The following STK3 variants were observed in gnomAD, a reference collection of about 807,000 sequenced individuals.
STK3 encodes serine/threonine kinase 3.
In STK3, 41 loss-of-function variants were observed where a neutral mutation model predicts 58.0. That is an observed-to-expected ratio of 0.71 (90% CI 0.55 to 0.92). STK3 has a LOEUF of 0.92. Among genes scored for constraint, STK3 ranks in the 40% least tolerant of loss-of-function variants. The pLI is 0.00. For missense variants in STK3, 479 were observed against 602.7 expected (o/e 0.79, Z 2.15); for synonymous variants, 170 against 191.0 (o/e 0.89, Z 0.91).
intron 1 of STK3, among the ~76,000 whole-genome samples, chr8:98,387,932 A>C (rs1216140331): frequency 6.6e-6 from 1 of 150,432 alleles, no homozygotes; most frequent in Non-Finnish European, 1.5e-5. Flanking sequence ...TCTGGAAACC[A>C]AGAAAGATAG....
At chr8:98,569,690 GT>G (rs1367778442) in intron 8 of STK3, among the ~76,000 whole-genome samples, 1 of 151,824 alleles carries the variant, frequency 6.6e-6, no homozygotes, top group Non-Finnish European at 1.5e-5. Context: ...TATGATATAA[GT>G]GAACAGTATT....
intron 9 of STK3, among the ~76,000 whole-genome samples, chr8:98,528,033 A>T (rs1165817933): frequency 6.6e-6 from 1 of 152,206 alleles, no homozygotes; most frequent in Non-Finnish European, 1.5e-5. Flanking sequence ...CCTTCCCACC[A>T]TAGCAAACTG....
chr8:98,861,567 C>T (rs948587467), intron 3 of STK3, among the ~76,000 whole-genome samples: 1 of 151,966 alleles, frequency 6.6e-6, no homozygotes, highest in South Asian at 2.1e-4. Flanking sequence ...AGGCTGGTCT[C>T]GAACTCCTGA....
At chr8:98,810,682 G>C (rs753586561) in intron 1 of STK3, among the ~76,000 whole-genome samples, 1 of 152,098 alleles carries the variant, frequency 6.6e-6, no homozygotes, top group African/African-American at 2.4e-5. Flanking sequence ...ATCAGATCTA[G>C]CTCTCTAGTC....
intron 6 of STK3, among the ~76,000 whole-genome samples, chr8:98,649,494 A>G (rs1820703268): frequency 6.6e-6 from 1 of 152,186 alleles, no homozygotes; most frequent in African/African-American, 2.4e-5. Context: ...TTATTTAGGT[A>G]TTGTAAGAGA....
At chr8:98,712,411 T>A (rs566734313) in intron 4 of STK3, among the ~76,000 whole-genome samples, 73 of 151,908 alleles carry the variant, frequency 4.8e-4, no homozygotes, top group Admixed American at 2.7e-3. Flanking sequence ...GAGACACACA[T>A]AGGCTCAAAA....
At chr8:98,409,844 G>C (rs1043869995) in intron 3 of STK3, among the ~76,000 whole-genome samples, 4 of 152,180 alleles carry the variant, frequency 2.6e-5, no homozygotes, top group African/African-American at 9.7e-5. Context: ...GGCCAGGCTG[G>C]GTGCTGGAGG....
At chr8:98,413,109 G>C (rs1818073716) in intron 3 of STK3, 1 of 273,252 alleles carries the variant, frequency 3.7e-6, no homozygotes, top group Admixed American at 4.9e-5. Context: ...CACTTCCTAG[G>C]TTCAAGTGAT....
At chr8:98,492,868 G>A (rs1433697201) in intron 10 of STK3, among the ~76,000 whole-genome samples, 1 of 151,716 alleles carries the variant, frequency 6.6e-6, no homozygotes, top group Non-Finnish European at 1.5e-5. Context: ...CTTTCCTTAG[G>A]AACTTCATTC....
At chr8:98,383,208 G>T (rs1248405481) in intron 1 of STK3, among the ~76,000 whole-genome samples, 1 of 152,210 alleles carries the variant, frequency 6.6e-6, no homozygotes, top group Non-Finnish European at 1.5e-5. Flanking sequence ...CTGGGAGATA[G>T]GCAATTCTTT....
At chr8:98,668,262 T>A (rs1359994559) in intron 6 of STK3, among the ~76,000 whole-genome samples, 1 of 152,202 alleles carries the variant, frequency 6.6e-6, no homozygotes, top group East Asian at 1.9e-4. Flanking sequence ...TGTATTAGTT[T>A]TGACAGGTGA....
downstream of STK3, chr8:98,880,234 G>A (rs1379385793): frequency 6.6e-6 from 1 of 152,026 alleles, no homozygotes; most frequent in Non-Finnish European, 1.5e-5. Flanking sequence ...CTCTACCCTC[G>A]GTGACAGAGG....
At chr8:98,530,548 G>C (rs911626426) in intron 9 of STK3, among the ~76,000 whole-genome samples, 3 of 152,254 alleles carry the variant, frequency 2.0e-5, no homozygotes, top group East Asian at 3.9e-4. Context: ...GTGTCAGTGG[G>C]AGAACCCTGG....
chr8:98,807,583 T>A (rs1833968320), intron 1 of STK3, among the ~76,000 whole-genome samples: 1 of 152,144 alleles, frequency 6.6e-6, no homozygotes, highest in African/African-American at 2.4e-5. Flanking sequence ...TTTAGGAGAC[T>A]GGAAATAGTG....
chr8:98,825,504 C>A lies in STK3; in HGVS notation c.26+11G>T. Reference sequence around the variant, plus strand: ...CGCTTCCCTCCTTCTTCCCGCTCCCCGATTCGTTACCTCTTAGGCGCCGGC... The same window carrying A: ...CGCTTCCCTCCTTCTTCCCGCTCCCAGATTCGTTACCTCTTAGGCGCCGGC... On this transcript the variant is annotated intron_variant, in intron 1 of 10. Transcript: ENST00000419617. The A allele has an allele frequency of 2.7e-6, 4 of 1,457,308 alleles. No homozygotes were observed. The highest frequency in any genetic ancestry group is 2.6e-5 in the South Asian group (2 of 77,218). 90.3% of individuals were successfully genotyped at this position (1,457,308 alleles called of 1,614,324 possible). A position where few individuals can be genotyped will look rare whatever the true frequency, so the allele number is the denominator to read the frequency against.
chr8:98,703,277 G>A (rs1825743341), intron 6 of STK3, among the ~76,000 whole-genome samples: 1 of 152,014 alleles, frequency 6.6e-6, no homozygotes, highest in Admixed American at 6.6e-5. Context: ...AGAACAAACT[G>A]AGTTCATATC....
At chr8:98,413,807 A>G (rs895765624) in intron 3 of STK3, 12 of 611,600 alleles carry the variant, frequency 2.0e-5, no homozygotes, top group Admixed American at 1.5e-4. Context: ...TGGGGGCCTC[A>G]GGGTTCACCC....
intron 9 of STK3, among the ~76,000 whole-genome samples, chr8:98,543,462 G>A (rs1222656901): frequency 1.3e-5 from 2 of 152,068 alleles, no homozygotes; most frequent in African/African-American, 2.4e-5. Flanking sequence ...CTAAAGAAAT[G>A]CAAGCAGAGA....
At chr8:98,818,881 C>T (rs995093131) in intron 1 of STK3, among the ~76,000 whole-genome samples, 4 of 151,988 alleles carry the variant, frequency 2.6e-5, no homozygotes, top group Admixed American at 6.6e-5. Context: ...AGTTCGGTGG[C>T]GCAATCTCGG....
Sources: gnomAD v4.1 joint callset for allele counts (sites outside exome capture counted in the v4.1 genomes callset) on GRCh38, gnomAD v4.1.1 for gene constraint, MANE v1.5 for transcripts, NCBI Gene and HGNC (gene_info 2026-07-23, HGNC 2026-07-21) for gene names.